The following CNDP1 variants were observed in gnomAD, a reference collection of about 807,000 sequenced individuals.
CNDP1 encodes the protein beta-Ala-His dipeptidase.
Under a neutral mutation model 58.1 loss-of-function variants are expected in CNDP1, and 44 were observed. The observed-to-expected ratio is 0.76, with a 90% CI of 0.60 to 0.97. The LOEUF is 0.97. Ranked by LOEUF, CNDP1 falls within the 50% of genes least tolerant of loss-of-function variation. The pLI is 0.00. For synonymous variants in CNDP1, 254 were observed against 252.6 expected (o/e 1.01, Z -0.05); for missense variants, 616 against 655.1 (o/e 0.94, Z 0.65).
intron 5 of CNDP1, 81 bp from the exon 6 acceptor site, chr18:74,567,151 CA>C (rs1243259225): frequency 1.8e-6 from 2 of 1,111,412 alleles, no homozygotes; most frequent in African/African-American, 3.1e-5. Flanking sequence ...CTGGGAGATA[CA>C]ATTCAAGTTG....
At chr18:74,572,828 GAAAA>G (rs1981518888) in intron 7 of CNDP1, among the ~76,000 whole-genome samples, 1 of 110,406 alleles carries the variant, frequency 9.1e-6, no homozygotes, top group African/African-American at 3.9e-5. Context: ...AAGAAAGAAA[GAAAA>G]ATAATAGAAA....
intron 9 of CNDP1, among the ~76,000 whole-genome samples, chr18:74,579,189 CCTTCCCT>C (rs1417501718): frequency 2.6e-4 from 15 of 58,550 alleles, no homozygotes; most frequent in Admixed American, 8.5e-4. Context: ...TTCTCCCTTT[CCTTCCCT>C]TCCCTTGCCT....
Position 74,545,031 on chromosome 18 carries a change from C to G in CNDP1, c.24+10340C>G, listed in dbSNP as rs1208820592. Among the ~76,000 whole-genome samples, 1 of 152,178 alleles carries G rather than the reference C, an allele frequency of 6.6e-6. No individual in the cohort carries two copies. The highest frequency in any genetic ancestry group is 1.5e-5 in the Non-Finnish European group (1 of 68,036). ...AGTCACAGCAAAGGACTGCTGCCAA[C>G]ACCAGAAGCTGGAGGGGCAGGAAGG... On this transcript the variant is annotated intron_variant, in intron 1 of 11. Transcript: ENST00000358821. This position sits in a 1 kb window ranked among gnomAD's most constrained non-coding sequence, Gnocchi z 4.1.
intron 1 of CNDP1, among the ~76,000 whole-genome samples, chr18:74,546,321 A>G (rs571810523): frequency 6.6e-6 from 1 of 152,270 alleles, no homozygotes; most frequent in East Asian, 1.9e-4. Context: ...CACCAGCCTC[A>G]TACCCTGACA....
chr18:74,562,943 G>A (rs1419409906), intron 5 of CNDP1, among the ~76,000 whole-genome samples: 1 of 152,138 alleles, frequency 6.6e-6, no homozygotes, highest in Admixed American at 6.5e-5. Flanking sequence ...GTGAAAATGT[G>A]TGCACTCCTC....
chr18:74,573,224 C>A (rs1282843921), intron 7 of CNDP1, among the ~76,000 whole-genome samples: 2 of 152,042 alleles, frequency 1.3e-5, no homozygotes, highest in Non-Finnish European at 2.9e-5. Context: ...ATCTATCCAT[C>A]CATCCATCCA....
chr18:74,535,538 A>G (rs113691619), intron 1 of CNDP1, among the ~76,000 whole-genome samples: 3 of 145,158 alleles, frequency 2.1e-5, no homozygotes, highest in African/African-American at 7.5e-5. Flanking sequence ...CTCTGAGAGA[A>G]AGAACCTCAC....
chr18:74,584,324 T>C, intron 11 of CNDP1, 172 bp from the exon 12 acceptor site: 1 of 588,370 alleles, frequency 1.7e-6, no homozygotes, highest in Non-Finnish European at 3.0e-6. Flanking sequence ...AATAATGCAA[T>C]TTTCACATGG....
chr18:74,573,007 C>T (rs1473288242), intron 7 of CNDP1, among the ~76,000 whole-genome samples: 2 of 152,132 alleles, frequency 1.3e-5, no homozygotes, highest in Non-Finnish European at 2.9e-5. Context: ...TTTAGTTGCA[C>T]AGCTTTCTCC....
intron 1 of CNDP1, among the ~76,000 whole-genome samples, chr18:74,550,654 A>G (rs1483993813): frequency 1.4e-5 from 2 of 147,424 alleles, no homozygotes; most frequent in African/African-American, 5.0e-5. Context: ...TCGGCTCACT[A>G]CAAGCTCTGC....
chr18:74,575,572 G>A (rs1329469979), intron 7 of CNDP1, among the ~76,000 whole-genome samples: 1 of 152,200 alleles, frequency 6.6e-6, no homozygotes, highest in Non-Finnish European at 1.5e-5. Flanking sequence ...GATATTTAGT[G>A]ATGATTTTTT....
intron 2 of CNDP1, 92 bp downstream of exon 2, chr18:74,556,558 A>G (rs1361468797): frequency 2.7e-6 from 4 of 1,504,846 alleles, no homozygotes; most frequent in Non-Finnish European, 3.7e-6. Context: ...GGAGATGTGG[A>G]TTTTTTTGCC....
chr18:74,572,783 C>A (rs371233895), intron 7 of CNDP1, among the ~76,000 whole-genome samples: 30 of 104,146 alleles, frequency 2.9e-4, no homozygotes, highest in African/African-American at 1.2e-3. Context: ...AGAACAAGAC[C>A]CTGTATCAAA....
At chr18:74,536,700 C>T (rs974286894) in intron 1 of CNDP1, among the ~76,000 whole-genome samples, 15 of 152,194 alleles carry the variant, frequency 9.9e-5, no homozygotes, top group African/African-American at 2.4e-4. Flanking sequence ...CTGTTTTTAG[C>T]TGTTTGAGGA....
chr18:74,536,384 T>G (rs1273697581), intron 1 of CNDP1, among the ~76,000 whole-genome samples: 1 of 152,228 alleles, frequency 6.6e-6, no homozygotes, highest in Non-Finnish European at 1.5e-5. Flanking sequence ...AATGAGAACA[T>G]GCAGTGTCTG....
At chr18:74,582,708 G>A (rs539351412) in intron 10 of CNDP1, among the ~76,000 whole-genome samples, 1 of 151,862 alleles carries the variant, frequency 6.6e-6, no homozygotes, top group Non-Finnish European at 1.5e-5. Context: ...ACTGAGAAAC[G>A]TCTGCAGCAT....
chr18:74,578,668 T>C (rs2144577346), intron 9 of CNDP1, among the ~76,000 whole-genome samples: 1 of 152,220 alleles, frequency 6.6e-6, no homozygotes, highest in East Asian at 1.9e-4. Context: ...TTCCCTCAAG[T>C]ATATGCAATT....
intron 10 of CNDP1, among the ~76,000 whole-genome samples, chr18:74,581,950 T>C (rs1220645326): frequency 6.6e-6 from 1 of 152,232 alleles, no homozygotes; most frequent in Non-Finnish European, 1.5e-5. Flanking sequence ...CCAGATCTCT[T>C]TGAAGCACTA....
At position 74,567,351 on chromosome 18, in the gene CNDP1, TA is replaced by T; in HGVS notation, c.676del (p.Ile226PhefsTer28). 1.9e-6 allele frequency: 3 copies of T among 1,614,174 alleles called. No homozygotes were observed. The highest frequency in any genetic ancestry group is 2.5e-6 in the Non-Finnish European group (3 of 1,180,028). On this transcript the variant is annotated frameshift_variant, in exon 6 of 12. Coordinates refer to ENST00000358821, the MANE Select transcript of CNDP1 (RefSeq NM_032649.6). LOFTEE classifies it high-confidence loss of function. The part of the protein sequence containing the change: ...DRFFSGVDYI[V>X]ISDNLWISQR... ...TTCTTCTCTGGTGTGGACTACATTG[TA>T]ATTTCAGATAACCTGTGGATCAGCC...
Sources: allele counts gnomAD v4.1 joint callset (sites outside exome capture counted in the v4.1 genomes callset), GRCh38; gene constraint gnomAD v4.1.1; non-coding constraint Gnocchi (gnomAD v3.1); transcripts MANE v1.5; gene names NCBI Gene and HGNC (gene_info 2026-07-23, HGNC 2026-07-21).